The following LMAN2L variants were observed in gnomAD, a reference collection of about 807,000 sequenced individuals.
LMAN2L encodes the protein lectin, mannose binding 2 like, also known as VIP36-like protein.
Under a neutral mutation model 44.3 loss-of-function variants are expected in LMAN2L, and 30 were observed. That is an observed-to-expected ratio of 0.68 (90% CI 0.51 to 0.92). LMAN2L has a LOEUF of 0.92. Ranked by LOEUF, LMAN2L falls within the 40% of genes least tolerant of loss-of-function variation. LMAN2L has a pLI of 0.00. For missense variants in LMAN2L, 429 were observed against 446.1 expected (o/e 0.96, Z 0.35); for synonymous variants, 183 against 171.1 (o/e 1.07, Z -0.54).
rs775809999 is a variant in LMAN2L at position 96,734,430 on chromosome 2, T to C, written c.403A>G (p.Thr135Ala). 1.2e-6 allele frequency: 2 copies of C among 1,610,076 alleles called. No homozygotes were observed. Among genetic ancestry groups the C allele is most frequent in the Non-Finnish European group, 8.5e-7 (1 of 1,176,354 alleles). The change falls in exon 3 of 8, where the codon ACA becomes GCA. Residue 135 changes from threonine (T) to alanine (A), a missense_variant. Transcript: ENST00000264963. ...LHGDGLAIWY[T>A]KDRMQPGPVF... ...ATACCTGGCTGCATCCGATCCTTTG[T>C]GTACCAGATTGCCAAGCCATCCCCA...
intron 4 of LMAN2L, among the ~76,000 whole-genome samples, chr2:96,718,107 C>T (rs1291344966): frequency 3.3e-5 from 5 of 152,120 alleles, no homozygotes; most frequent in East Asian, 1.9e-4. Flanking sequence ...AGGCACCTGC[C>T]ACCAAGCCCG....
At chr2:96,720,475 CT>C (rs74265067) in intron 4 of LMAN2L, among the ~76,000 whole-genome samples, 444 of 141,760 alleles carry the variant, frequency 3.1e-3, no homozygotes, top group Admixed American at 3.3e-3. Flanking sequence ...TTATCTTTAC[CT>C]TTTTTTTTTT....
chr2:96,718,929 T>C (rs944971230), intron 4 of LMAN2L, among the ~76,000 whole-genome samples: 8 of 152,142 alleles, frequency 5.3e-5, no homozygotes, highest in African/African-American at 1.7e-4. Flanking sequence ...CACGCTCTCT[T>C]AAGAAACTCA....
Position 96,734,504 on chromosome 2 carries a change from T to C in LMAN2L, c.329A>G (p.Glu110Gly), listed in dbSNP as rs2078473400. ...ATGGATTTTGAAGTGCACCTGCAACTCCCAGTCTCTCAGGAAACATGGCTA... is the reference window on the plus strand; with the variant it reads ...ATGGATTTTGAAGTGCACCTGCAACCCCCAGTCTCTCAGGAAACATGGCTA... ...NRVPCFLRDWELQVHFKIHGQ... is the reference protein window; with the variant it reads ...NRVPCFLRDWGLQVHFKIHGQ... The change falls in exon 3 of 8, where the codon GAG becomes GGG. Residue 110 changes from glutamate (E) to glycine (G), a missense_variant. Physicochemically the swap from Glu to Gly is moderately conservative, Grantham distance 98. Transcript: ENST00000264963. 16 of 1,611,156 alleles carry C rather than the reference T, an allele frequency of 9.9e-6. No individual in the cohort carries two copies. The highest frequency in any genetic ancestry group is 1.4e-5 in the Non-Finnish European group (16 of 1,177,508).
At chr2:96,708,691 T>C (rs907856406) in intron 6 of LMAN2L, among the ~76,000 whole-genome samples, 3 of 152,120 alleles carry the variant, frequency 2.0e-5, no homozygotes, top group African/African-American at 7.2e-5. Flanking sequence ...CGCTGTTTAA[T>C]GGGCCATGGG....
chr2:96,733,487 T>C, intron 4 of LMAN2L, 32 bp downstream of exon 4: 1 of 1,509,946 alleles, frequency 6.6e-7, no homozygotes. Context: ...GATGTCAGTG[T>C]AGCTGACCTA....
chr2:96,739,714 C>T, intron 1 of LMAN2L, 140 bp downstream of exon 1: 1 of 829,324 alleles, frequency 1.2e-6, no homozygotes, highest in Non-Finnish European at 1.9e-6. Context: ...CTCCCAAACG[C>T]GGAGGGAGTC....
chr2:96,739,201 C>T (rs1257147980), intron 1 of LMAN2L, among the ~76,000 whole-genome samples: 3 of 152,186 alleles, frequency 2.0e-5, no homozygotes, highest in East Asian at 3.9e-4. Context: ...TAAATGATTA[C>T]CCTTAGTAGT....
intron 4 of LMAN2L, chr2:96,713,015 C>G (rs1558949288): frequency 8.9e-7 from 1 of 1,127,138 alleles, no homozygotes; most frequent in East Asian, 2.6e-5. Flanking sequence ...ACCGGGGACT[C>G]CTGAGACAAC....
At chr2:96,723,251 A>G (rs2153328069) in intron 4 of LMAN2L, among the ~76,000 whole-genome samples, 1 of 152,260 alleles carries the variant, frequency 6.6e-6, no homozygotes, top group Non-Finnish European at 1.5e-5. Context: ...GCGGGTGTAA[A>G]GTAGTGTCTT....
rs1431584348 is a variant in LMAN2L at position 96,738,065 on chromosome 2, C to T, written c.190G>A (p.Val64Met). ...CACAGTGAGGAACTGCCTGTGCCCA[C>T]ACCTACAGGAAGGAAGTAGATCAGT... ...EHSLSKPYQG[V>M]GTGSSSLWNL... is the part of the protein sequence containing the mutation. The change falls in exon 2 of 8, where the codon GTG becomes ATG. Residue 64 changes from valine (V) to methionine (M), a missense_variant and splice_region_variant. Physicochemically the swap from Val to Met is conservative, Grantham distance 21. Transcript: ENST00000264963. 6.2e-7 allele frequency: 1 copy of T among 1,608,368 alleles called. No individual in the cohort carries two copies. Among genetic ancestry groups the T allele is most frequent in the Non-Finnish European group, 8.5e-7 (1 of 1,174,870 alleles).
In LMAN2L at chr2:96,740,009, C is replaced by A. The variant is rs1333659547; in HGVS notation, c.32G>T (p.Trp11Leu). 1.2e-6 allele frequency: 2 copies of A among 1,613,366 alleles called. No homozygotes were observed. Among genetic ancestry groups the A allele is most frequent in the Admixed American group, 3.3e-5 (2 of 59,998 alleles). The change falls in exon 1 of 8, where the codon TGG (tryptophan) becomes TTG (leucine). Residue 11 changes from tryptophan (W) to leucine (L), a missense_variant. By Grantham distance (61) the Trp-to-Leu change is moderately conservative (BLOSUM62 -2). Coordinates refer to ENST00000264963, the MANE Select transcript of LMAN2L (RefSeq NM_030805.4). ...CGACAAACATCGCCGCCACTGCTGC[C>A]ACGACCCAAGGGGTCCCAGAGTCGC... MAATLGPLGS[W>L]QQWRRCLSAR...
chr2:96,711,628 G>T (rs773769290), intron 6 of LMAN2L, 28 bp downstream of exon 6: 1 of 1,498,802 alleles, frequency 6.7e-7, no homozygotes, highest in Non-Finnish European at 9.3e-7. Context: ...CCTCAGTCAG[G>T]GCAAACCAAG....
chr2:96,734,729 A>T (rs2078478879), intron 2 of LMAN2L: 1 of 564,322 alleles, frequency 1.8e-6, no homozygotes, highest in African/African-American at 1.9e-5. Context: ...ATTTAATATG[A>T]AAATGAATAA....
intron 4 of LMAN2L, among the ~76,000 whole-genome samples, chr2:96,717,922 A>C (rs2078073894): frequency 6.6e-6 from 1 of 152,004 alleles, no homozygotes; most frequent in South Asian, 2.1e-4. Flanking sequence ...AACATTCCAA[A>C]ATTCTCTTGT....
chr2:96,711,897 G>A lies in LMAN2L; in HGVS notation c.636C>T (p.Phe212=). The A allele has an allele frequency of 6.2e-7, 1 of 1,614,224 alleles. No homozygotes were observed. The highest frequency in any genetic ancestry group is 8.5e-7 in the Non-Finnish European group (1 of 1,180,046). The change falls in exon 5 of 8, where the codon TTC becomes TTT. Residue 212 remains phenylalanine, a synonymous_variant. Transcript: ENST00000264963. ...AIVRNLHYDT[F]LVIRYVKRHL... is the part of the protein sequence containing the mutation. ...GCCTCTTGACGTAGCGAATCACCAG[G>A]AAGGTGTCGTAATGAAGATTGCGGA...
At chr2:96,732,773 A>G (rs2078431181) in intron 4 of LMAN2L, among the ~76,000 whole-genome samples, 1 of 149,318 alleles carries the variant, frequency 6.7e-6, no homozygotes, top group African/African-American at 2.5e-5. Flanking sequence ...CCTTCTCGTT[A>G]TAGCCTTTTC....
intron 4 of LMAN2L, among the ~76,000 whole-genome samples, chr2:96,715,923 A>C (rs2078031037): frequency 6.6e-6 from 1 of 152,206 alleles, no homozygotes; most frequent in South Asian, 2.1e-4. Flanking sequence ...GAACAATACA[A>C]AGCTCACAGG....
intron 4 of LMAN2L, among the ~76,000 whole-genome samples, chr2:96,712,278 G>C (rs1488107307): frequency 1.3e-5 from 2 of 152,222 alleles, no homozygotes; most frequent in Non-Finnish European, 2.9e-5. Flanking sequence ...TGGGCCTGAA[G>C]TGGTCCTCCT....
Sources: allele counts gnomAD v4.1 joint callset (sites outside exome capture counted in the v4.1 genomes callset), GRCh38; gene constraint gnomAD v4.1.1; transcripts MANE v1.5; gene names NCBI Gene and HGNC (gene_info 2026-07-23, HGNC 2026-07-21).